CENPW: variants seen among roughly 807,000 people sequenced by gnomAD.
The protein encoded by CENPW is cancer-up-regulated gene 2 protein.
A neutral mutation model predicts 11.1 loss-of-function variants in CENPW; 3 were observed. That is an observed-to-expected ratio of 0.27 (90% CI 0.12 to 0.70). The LOEUF (loss-of-function observed/expected upper bound fraction) is 0.70, where lower values mean the gene tolerates loss of function less well. Among genes scored for constraint, CENPW ranks in the 30% least tolerant of loss-of-function variants. The pLI, the probability that CENPW is intolerant of heterozygous loss-of-function variation, is 0.77. For synonymous variants in CENPW, 38 were observed against 42.0 expected (o/e 0.91, Z 0.37); for missense variants, 100 against 105.6 (o/e 0.95, Z 0.23).
the CENPW span, among the ~76,000 whole-genome samples, chr6:126,476,273 T>C: frequency 6.6e-6 from 1 of 151,998 alleles, no homozygotes; most frequent in Non-Finnish European, 1.5e-5. Flanking sequence ...TTGTGATGAT[T>C]TTCCTATTTT....
chr6:126,410,780 A>C, the CENPW span, among the ~76,000 whole-genome samples: 1 of 151,702 alleles, frequency 6.6e-6, no homozygotes, highest in East Asian at 1.9e-4. Flanking sequence ...TGGGGCTTTC[A>C]CTTGTATTTT....
At chr6:126,445,791 T>C in the CENPW span, among the ~76,000 whole-genome samples, 9 of 151,178 alleles carry the variant, frequency 6.0e-5, no homozygotes, top group Non-Finnish European at 1.3e-4. Flanking sequence ...AAAATGTGAA[T>C]TTATTTTACT....
chr6:126,380,347 C>G, the CENPW span, among the ~76,000 whole-genome samples: 1 of 152,202 alleles, frequency 6.6e-6, no homozygotes, highest in African/African-American at 2.4e-5. Flanking sequence ...CTCAGATTAA[C>G]TGGCTTGCTT....
chr6:126,432,716 G>T, the CENPW span, among the ~76,000 whole-genome samples: 1 of 152,122 alleles, frequency 6.6e-6, no homozygotes, highest in African/African-American at 2.4e-5. Flanking sequence ...CTCTCACTCA[G>T]ATAAACATCT....
At chr6:126,364,050 CT>C in the CENPW span, among the ~76,000 whole-genome samples, 9 of 152,156 alleles carry the variant, frequency 5.9e-5, no homozygotes, top group Admixed American at 1.3e-4. Flanking sequence ...CACTCCTTTG[CT>C]TTTTAATCCC....
downstream of CENPW, among the ~76,000 whole-genome samples, chr6:126,353,008 A>C (rs1453235618): frequency 6.6e-6 from 1 of 152,088 alleles, no homozygotes; most frequent in Non-Finnish European, 1.5e-5. Context: ...TATAATCTGC[A>C]CTGTTGACTA....
At chr6:126,443,940 A>T in the CENPW span, among the ~76,000 whole-genome samples, 1 of 151,172 alleles carries the variant, frequency 6.6e-6, no homozygotes, top group Non-Finnish European at 1.5e-5. Flanking sequence ...CTTAAAATGC[A>T]TATAAAGTCC....
chr6:126,412,025 C>T, the CENPW span, among the ~76,000 whole-genome samples: 36 of 137,030 alleles, frequency 2.6e-4, no homozygotes, highest in Non-Finnish European at 5.1e-4. Flanking sequence ...CACTCCCTCC[C>T]TCCTTCCTTC....
chr6:126,368,193 G>T, the CENPW span, among the ~76,000 whole-genome samples: 1 of 152,176 alleles, frequency 6.6e-6, no homozygotes, highest in Non-Finnish European at 1.5e-5. Flanking sequence ...TTTATGTTCC[G>T]CACTGGGGGA....
At chr6:126,387,645 G>A in the CENPW span, among the ~76,000 whole-genome samples, 1 of 151,942 alleles carries the variant, frequency 6.6e-6, no homozygotes, top group Non-Finnish European at 1.5e-5. Context: ...TCAGCAAGGG[G>A]TTAAGTGTCT....
chr6:126,460,462 G>A, the CENPW span, among the ~76,000 whole-genome samples: 1 of 151,604 alleles, frequency 6.6e-6, no homozygotes, highest in African/African-American at 2.4e-5. Flanking sequence ...AAGAAGGAGA[G>A]CATTCTATCT....
the CENPW span, among the ~76,000 whole-genome samples, chr6:126,395,293 T>C: frequency 6.6e-6 from 1 of 152,168 alleles, no homozygotes; most frequent in Non-Finnish European, 1.5e-5. Flanking sequence ...ATTTTTTTTC[T>C]TCTGCTTTGT....
the CENPW span, among the ~76,000 whole-genome samples, chr6:126,367,028 T>C: frequency 1.3e-5 from 2 of 152,200 alleles, no homozygotes; most frequent in Non-Finnish European, 2.9e-5. Context: ...ACTGTTGTAC[T>C]GGAGATTAAA....
At chr6:126,380,015 G>T in the CENPW span, among the ~76,000 whole-genome samples, 1 of 152,238 alleles carries the variant, frequency 6.6e-6, no homozygotes, top group South Asian at 2.1e-4. Flanking sequence ...TTCATTACCA[G>T]TTCCAAATTA....
the CENPW span, among the ~76,000 whole-genome samples, chr6:126,375,193 A>T: frequency 1.3e-5 from 2 of 152,212 alleles, no homozygotes; most frequent in Non-Finnish European, 2.9e-5. Context: ...AAGGCCATGA[A>T]GAGAAAATAA....
chr6:126,401,526 A>G, the CENPW span, among the ~76,000 whole-genome samples: 1 of 151,880 alleles, frequency 6.6e-6, no homozygotes, highest in Non-Finnish European at 1.5e-5. Context: ...CCCTTCCCTC[A>G]TCTTTGGGGA....
At chr6:126,360,355 A>AT in the CENPW span, among the ~76,000 whole-genome samples, 2 of 151,936 alleles carry the variant, frequency 1.3e-5, no homozygotes, top group Admixed American at 6.6e-5. Flanking sequence ...TGTGTTTAAG[A>AT]TTTTTTTCTT....
chr6:126,427,437 A>G, the CENPW span, among the ~76,000 whole-genome samples: 5 of 152,154 alleles, frequency 3.3e-5, no homozygotes, highest in Non-Finnish European at 7.4e-5. Flanking sequence ...TACATTTCCT[A>G]ATTATGTGGA....
chr6:126,425,577 A>ATT, the CENPW span, among the ~76,000 whole-genome samples: 1 of 151,354 alleles, frequency 6.6e-6, no homozygotes, highest in African/African-American at 2.4e-5. Flanking sequence ...TTGTAATGGT[A>ATT]TTTTTTTTTC....
Sources: allele counts gnomAD v4.1 joint callset (sites outside exome capture counted in the v4.1 genomes callset), GRCh38; gene constraint gnomAD v4.1.1; transcripts MANE v1.5; gene names NCBI Gene and HGNC (gene_info 2026-07-23, HGNC 2026-07-21).